Variants in LYRM4 observed in about 807,000 individuals in gnomAD.
LYRM4 encodes the protein LYR motif-containing protein 4.
Under a neutral mutation model 11.7 loss-of-function variants are expected in LYRM4, and 9 were observed. The observed-to-expected ratio is 0.77, with a 90% confidence interval of 0.46 to 1.34. The LOEUF is 1.34. LYRM4 is among the 40% of genes most tolerant of loss of function. The probability of loss-of-function intolerance (pLI) is 0.00; values close to 1 mark genes in which losing one functional copy is unlikely to be tolerated. For synonymous variants in LYRM4, 42 were observed against 40.4 expected, an observed-to-expected ratio of 1.04 and a Z score of -0.15; for missense variants, 133 against 112.5, an observed-to-expected ratio of 1.18 and a Z score of -0.82.
At chr6:5,113,371 T>C (rs531535986) in intron 2 of LYRM4, 2 of 445,374 alleles carry the variant, frequency 4.5e-6, no homozygotes, top group East Asian at 1.5e-4. Context: ...GTTGCTGAGA[T>C]CACGCCACTG....
chr6:5,092,329 G>A, the LYRM4 span, among the ~76,000 whole-genome samples: 1 of 152,154 alleles, frequency 6.6e-6, no homozygotes, highest in Non-Finnish European at 1.5e-5. Context: ...TTGTTCTGGT[G>A]CAGGTGAGGC....
At chr6:5,040,370 T>TACAC in the LYRM4 span, among the ~76,000 whole-genome samples, 1 of 151,630 alleles carries the variant, frequency 6.6e-6, no homozygotes, top group Non-Finnish European at 1.5e-5. Flanking sequence ...CATACATACA[T>TACAC]ACATACATAC....
chr6:5,041,735 C>T, the LYRM4 span, among the ~76,000 whole-genome samples: 1 of 152,172 alleles, frequency 6.6e-6, no homozygotes, highest in African/African-American at 2.4e-5. Context: ...GTCATGAACT[C>T]CTAAGCTGGC....
chr6:5,050,372 G>T, the LYRM4 span, among the ~76,000 whole-genome samples: 1 of 152,226 alleles, frequency 6.6e-6, no homozygotes, highest in Non-Finnish European at 1.5e-5. Flanking sequence ...GATCTTTGCT[G>T]TGATTGCTAA....
intron 2 of LYRM4, among the ~76,000 whole-genome samples, chr6:5,111,550 T>C (rs1762882780): frequency 6.6e-6 from 1 of 152,210 alleles, no homozygotes; most frequent in South Asian, 2.1e-4. Context: ...AAGGAAGGTA[T>C]ATGCTAGACC....
the LYRM4 span, among the ~76,000 whole-genome samples, chr6:5,081,475 C>G: frequency 6.6e-6 from 1 of 152,208 alleles, no homozygotes; most frequent in African/African-American, 2.4e-5. Context: ...GAACAACCCT[C>G]TTCCATTCCC....
At chr6:5,085,093 G>A in the LYRM4 span, 11 of 208,730 alleles carry the variant, frequency 5.3e-5, no homozygotes, top group Admixed American at 1.2e-4. Flanking sequence ...CCCCGCCGGG[G>A]GTGCGGGTGA....
At chr6:5,230,093 T>C (rs1167413078) in intron 1 of LYRM4, among the ~76,000 whole-genome samples, 2 of 152,202 alleles carry the variant, frequency 1.3e-5, no homozygotes, top group Non-Finnish European at 2.9e-5. Context: ...GGCATGCAGA[T>C]CAAGCAGCCG....
intron 2 of LYRM4, among the ~76,000 whole-genome samples, chr6:5,182,424 T>C (rs1760130199): frequency 6.6e-6 from 1 of 152,250 alleles, no homozygotes; most frequent in Admixed American, 6.5e-5. Context: ...GTTATAGAAA[T>C]ATAATTTAGC....
the LYRM4 span, among the ~76,000 whole-genome samples, chr6:5,067,408 A>G: frequency 6.6e-6 from 1 of 152,242 alleles, no homozygotes. Context: ...TACAGCCATC[A>G]GAGTCTTAAA....
Position 5,260,794 on chromosome 6 carries a change from C to A in LYRM4, c.-61G>T. On this transcript the variant is annotated 5_prime_UTR_variant, in exon 1 of 3. Transcript: ENST00000330636. The stretch of plus-strand genomic sequence containing the variant: ...CCGAGGTCCCAAGTACGACCCAACC[C>A]ACGAAACTCCAGCCTGTGCGGAAAC... The A allele has an allele frequency of 6.5e-7, 1 of 1,534,054 alleles. No individual in the cohort carries two copies. Among genetic ancestry groups the A allele is most frequent in the South Asian group, 1.2e-5 (1 of 83,906 alleles).
chr6:5,205,580 A>C (rs927659067), intron 2 of LYRM4, among the ~76,000 whole-genome samples: 18 of 152,252 alleles, frequency 1.2e-4, no homozygotes, highest in Non-Finnish European at 2.6e-4. Flanking sequence ...TTCCAGTAGG[A>C]AAAATACTTT....
chr6:5,074,720 G>T, the LYRM4 span, among the ~76,000 whole-genome samples: 1 of 150,730 alleles, frequency 6.6e-6, no homozygotes, highest in Admixed American at 6.6e-5. Flanking sequence ...AGTAAGGGAA[G>T]TGATTAAGGG....
chr6:5,091,759 T>G, the LYRM4 span, among the ~76,000 whole-genome samples: 4 of 152,246 alleles, frequency 2.6e-5, no homozygotes, highest in Non-Finnish European at 5.9e-5. Context: ...GCTATTTAAG[T>G]AAGTCATGAG....
chr6:5,185,372 C>T (rs1011960667), intron 2 of LYRM4, among the ~76,000 whole-genome samples: 1 of 152,224 alleles, frequency 6.6e-6, no homozygotes. Context: ...CCCAGGAGGA[C>T]ATGGCTTGTC....
At chr6:5,040,524 A>G in the LYRM4 span, among the ~76,000 whole-genome samples, 2 of 145,026 alleles carry the variant, frequency 1.4e-5, no homozygotes, top group South Asian at 4.6e-4. Flanking sequence ...CAACATAGGG[A>G]GACCTCATCT....
At chr6:5,036,850 A>C in the LYRM4 span, among the ~76,000 whole-genome samples, 3 of 152,110 alleles carry the variant, frequency 2.0e-5, no homozygotes, top group Non-Finnish European at 1.5e-5. Context: ...CTCAAGTTAT[A>C]CCACTGGGAG....
the LYRM4 span, among the ~76,000 whole-genome samples, chr6:5,097,136 G>A: frequency 6.6e-6 from 1 of 152,252 alleles, no homozygotes. Flanking sequence ...TGCGGTGAGG[G>A]CCTTCTTGCT....
At chr6:5,232,250 G>A (rs1763285769) in intron 1 of LYRM4, among the ~76,000 whole-genome samples, 1 of 152,224 alleles carries the variant, frequency 6.6e-6, no homozygotes, top group African/African-American at 2.4e-5. Flanking sequence ...GGCACACTGA[G>A]GCTGAAGGAA....
Sources: gnomAD v4.1 joint callset for allele counts (sites outside exome capture counted in the v4.1 genomes callset) on GRCh38, gnomAD v4.1.1 for gene constraint, MANE v1.5 for transcripts, NCBI Gene and HGNC (gene_info 2026-07-23, HGNC 2026-07-21) for gene names.